The following GRSF1 variants were observed in gnomAD, a reference collection of about 807,000 sequenced individuals.
The protein encoded by GRSF1 is G-rich RNA sequence binding factor 1.
A neutral mutation model predicts 51.1 loss-of-function variants in GRSF1; 50 were observed. The ratio of observed to expected loss-of-function variants is 0.98; its 90% CI spans 0.78 to 1.24. GRSF1 has a LOEUF of 1.24. GRSF1 is among the 50% of genes most tolerant of loss of function. GRSF1 has a pLI of 0.00. For synonymous variants in GRSF1, 293 were observed against 253.3 expected (o/e 1.16, Z -1.49); for missense variants, 700 against 639.7 (o/e 1.09, Z -1.02).
At chr4:70,829,990 C>T (rs1251002372) in intron 5 of GRSF1, among the ~76,000 whole-genome samples, 3 of 152,070 alleles carry the variant, frequency 2.0e-5, no homozygotes, top group African/African-American at 4.8e-5. Context: ...AAAGTTAAAA[C>T]ACAAATGAAC....
chr4:70,832,208 T>C (rs568723843), intron 4 of GRSF1, 99 bp downstream of exon 4: 48 of 876,040 alleles, frequency 5.5e-5, no homozygotes, highest in Middle Eastern at 4.7e-4. Flanking sequence ...CTAATATAAC[T>C]GCATGCCTTT....
At chr4:70,833,804 C>T (rs1734083159) in intron 2 of GRSF1, among the ~76,000 whole-genome samples, 1 of 152,126 alleles carries the variant, frequency 6.6e-6, no homozygotes, top group Non-Finnish European at 1.5e-5. Flanking sequence ...CAGGCATCAG[C>T]CACCACACCC....
upstream of GRSF1, among the ~76,000 whole-genome samples, chr4:70,842,140 G>A (rs564721181): frequency 9.8e-5 from 15 of 152,356 alleles, no homozygotes; most frequent in African/African-American, 7.2e-5. Flanking sequence ...TCCCTTTGGG[G>A]TGAGAGCAGG....
At chr4:70,832,488 A>G in intron 3 of GRSF1, 38 bp from the exon 4 acceptor site, 4 of 1,315,500 alleles carry the variant, frequency 3.0e-6, no homozygotes, top group East Asian at 2.3e-5. Context: ...AAAAATTTAC[A>G]TAACAAAGGA....
Position 70,823,521 on chromosome 4 carries a change from G to A in GRSF1, c.*25+773C>T, listed in dbSNP as rs562678746. On this transcript the variant is annotated intron_variant, in intron 9 of 9. Transcript: ENST00000254799. ...CCCCCCACATCTGAGAAGCCAGAGC[G>A]AGAATTTTCATTCCTTATATTGACA... Among the ~76,000 whole-genome samples the A allele has an allele frequency of 4.1e-4, 61 of 149,730 alleles. No individual in the cohort carries two copies. The South Asian group carries it at 0.011, about 26-fold the overall frequency.
In GRSF1 at chr4:70,818,533, G is replaced by A. The variant is rs750295645; in HGVS notation, c.*2354C>T. 4 of 152,130 alleles carry A rather than the reference G, an allele frequency of 2.6e-5. No homozygotes were observed. The highest frequency in any genetic ancestry group is 4.4e-5 in the Non-Finnish European group (3 of 68,028). The allele number at this position is 152,130 out of a possible 1,614,324, so 9.4% of individuals were successfully genotyped here. ...CGGTCCCCCTTCCCACATGACAGAAGCTTAAGTTACCCACGCATAAAGGGA... is the reference window on the plus strand; with the variant it reads ...CGGTCCCCCTTCCCACATGACAGAAACTTAAGTTACCCACGCATAAAGGGA... On this transcript the variant is annotated 3_prime_UTR_variant, in exon 10 of 10. Coordinates refer to ENST00000254799, the MANE Select transcript of GRSF1 (RefSeq NM_002092.4).
At position 70,820,551 on chromosome 4, in the gene GRSF1, T is replaced by TA. The variant is rs1733460803; in HGVS notation, c.*335dup. The TA allele has an allele frequency of 6.6e-6, 1 of 152,366 alleles. No individual in the cohort carries two copies. The allele number at this position is 152,366 out of a possible 1,614,324, so 9.4% of individuals were successfully genotyped here. A position where few individuals can be genotyped will look rare whatever the true frequency, so the allele number is the denominator to read the frequency against. On this transcript the variant is annotated 3_prime_UTR_variant, in exon 10 of 10. Transcript: ENST00000254799. ...AAACCGTTTAAAGAACACTGCTGAA[T>TA]AAAAATATGTGGTCTTTACAATGAG...
chr4:70,832,547 T>C (rs1734026046), intron 3 of GRSF1, 97 bp from the exon 4 acceptor site: 5 of 668,984 alleles, frequency 7.5e-6, no homozygotes, highest in Non-Finnish European at 1.0e-5. Context: ...TATCTGAGAA[T>C]TCAATAACTA....
intron 1 of GRSF1, among the ~76,000 whole-genome samples, chr4:70,836,555 TTCA>T (rs1237333857): frequency 6.6e-6 from 1 of 152,176 alleles, no homozygotes; most frequent in East Asian, 1.9e-4. Context: ...TGTTTTAAAA[TTCA>T]TCAACCCCAA....
chr4:70,821,523 T>A (rs1733499161), intron 9 of GRSF1, among the ~76,000 whole-genome samples: 1 of 151,718 alleles, frequency 6.6e-6, no homozygotes, highest in Non-Finnish European at 1.5e-5. Flanking sequence ...GGAGAATCGC[T>A]TGAACCCGGG....
upstream of GRSF1, among the ~76,000 whole-genome samples, chr4:70,841,240 C>T (rs1734449803): frequency 6.6e-6 from 1 of 152,114 alleles, no homozygotes; most frequent in Non-Finnish European, 1.5e-5. Flanking sequence ...CTATGATTGC[C>T]ACCACTGAAC....
chr4:70,840,272 A>G (rs532997612), upstream of GRSF1, among the ~76,000 whole-genome samples: 1 of 152,126 alleles, frequency 6.6e-6, no homozygotes, highest in East Asian at 1.9e-4. Flanking sequence ...AGTGGGTGCA[A>G]TCGAACTGCT....
At position 70,833,166 on chromosome 4, in the gene GRSF1, T is replaced by C; in HGVS notation, c.622A>G (p.Lys208Glu). 6.2e-7 allele frequency: 1 copy of C among 1,614,006 alleles called. No homozygotes were observed. Among genetic ancestry groups the C allele is most frequent in the East Asian group, 2.2e-5 (1 of 44,884 alleles). Residue 208 changes from lysine (K) to glutamate (E), a missense_variant, in exon 3 of 10, where the codon AAA (lysine) becomes GAA (glutamate). Lys to Glu is a moderately conservative substitution (Grantham distance 56, BLOSUM62 1). Coordinates refer to ENST00000254799, the MANE Select transcript of GRSF1 (RefSeq NM_002092.4). ...TACATGCGGTGCTTCTCTAAGGCTT[T>C]CTGCACATCCTGCTCTGACTCCATT... The part of the protein sequence containing the change: ...IEMESEQDVQ[K>E]ALEKHRMYMG...
upstream of GRSF1, among the ~76,000 whole-genome samples, chr4:70,842,015 C>T (rs1336574577): frequency 6.6e-6 from 1 of 152,176 alleles, no homozygotes; most frequent in East Asian, 1.9e-4. Flanking sequence ...CCAGAAATGT[C>T]CAAGACAGCC....
In GRSF1 at chr4:70,836,221, GA is replaced by G; in HGVS notation, c.450del (p.Leu151SerfsTer36). On this transcript the variant is annotated frameshift_variant, in exon 2 of 10. Coordinates refer to ENST00000254799, the MANE Select transcript of GRSF1 (RefSeq NM_002092.4). LOFTEE classifies it high-confidence loss of function. Reference protein sequence around the residue: ...SKLEEEVDDVFLIRAQGLPWS... With the variant: ...SKLEEEVDDVXLIRAQGLPWS... ...CAGGGCAGTCCTTGAGCTCGAATGA[GA>G]AAGACATCATCCACTTCCTCTTCTA... The G allele has an allele frequency of 6.2e-7, 1 of 1,610,060 alleles. No homozygotes were observed. Among genetic ancestry groups the G allele is most frequent in the Non-Finnish European group, 8.5e-7 (1 of 1,178,210 alleles).
At position 70,836,305 on chromosome 4, in the gene GRSF1, T is replaced by C. The variant is rs1231670317; in HGVS notation, c.367A>G (p.Thr123Ala). The C allele has an allele frequency of 1.9e-6, 3 of 1,571,580 alleles. No individual in the cohort carries two copies. The highest frequency in any genetic ancestry group is 2.6e-6 in the Non-Finnish European group (3 of 1,165,420). ...PTRSYSQESK[T>A]TYLEDLPPPP... ...GGTGGAAGGTCTTCCAGGTAAGTAG[T>C]TTTGGACTCCTTCCAAAGGAAATGA... is the stretch of plus-strand genomic sequence containing the variant. The change falls in exon 2 of 10, where the codon ACT (threonine) becomes GCT (alanine). Residue 123 changes from threonine to alanine, a missense_variant. Transcript: ENST00000254799.
At chr4:70,836,689 C>T (rs568971007) in intron 1 of GRSF1, among the ~76,000 whole-genome samples, 2 of 151,954 alleles carry the variant, frequency 1.3e-5, no homozygotes, top group South Asian at 2.1e-4. Flanking sequence ...ATCTAGAATA[C>T]GATAAGCATA....
Position 70,816,356 on chromosome 4 carries a change from A to AG in GRSF1, c.*4530_*4531insC, listed in dbSNP as rs1733307378. The AG allele has an allele frequency of 6.6e-6, 1 of 151,770 alleles. No homozygotes were observed. The highest frequency in any genetic ancestry group is 6.6e-5 in the Admixed American group (1 of 15,208). 9.4% of individuals were successfully genotyped at this position (151,770 alleles called of 1,614,324 possible). On this transcript the variant is annotated 3_prime_UTR_variant, in exon 10 of 10. Coordinates refer to ENST00000254799, the MANE Select transcript of GRSF1 (RefSeq NM_002092.4). ...TACAAGACTCCATCTCAAAAAAAAAAAAAAAAAAAGAAAAAACCTCATCAA... is the reference window on the plus strand; with the variant it reads ...TACAAGACTCCATCTCAAAAAAAAAAGAAAAAAAAAGAAAAAACCTCATCAA...
chr4:70,835,352 C>T (rs1350357173), intron 2 of GRSF1, among the ~76,000 whole-genome samples: 3 of 149,668 alleles, frequency 2.0e-5, no homozygotes, highest in Non-Finnish European at 4.5e-5. Context: ...ATGGTGTGAA[C>T]CCGGGAGGCG....
Sources: gnomAD v4.1 joint callset for allele counts (sites outside exome capture counted in the v4.1 genomes callset) on GRCh38, gnomAD v4.1.1 for gene constraint, MANE v1.5 for transcripts, NCBI Gene and HGNC (gene_info 2026-07-23, HGNC 2026-07-21) for gene names.